DELE1: variants seen among roughly 807,000 people sequenced by gnomAD.
DELE1 encodes DAP3 binding cell death enhancer 1, also known as death ligand signal enhancer.
In DELE1, 54 loss-of-function variants were observed where a neutral mutation model predicts 59.3. That is an observed-to-expected ratio of 0.91 (90% CI 0.73 to 1.14). The LOEUF (loss-of-function observed/expected upper bound fraction) is 1.14. DELE1 is among the 50% of genes most tolerant of loss of function. DELE1 has a pLI of 0.00. For missense variants in DELE1, 636 were observed against 643.9 expected, an observed-to-expected ratio of 0.99 and a Z score of 0.13; for synonymous variants, 264 against 259.1, an observed-to-expected ratio of 1.02 and a Z score of -0.18.
intron 10 of DELE1, among the ~76,000 whole-genome samples, chr5:141,936,197 G>A (rs573731167): frequency 3.5e-4 from 54 of 152,274 alleles, no homozygotes; most frequent in African/African-American, 1.2e-3. Flanking sequence ...TAAGGTAGGT[G>A]CTATTAGCAT....
rs1368923036 is a variant in DELE1 at position 141,934,260 on chromosome 5, G to C, written c.918G>C (p.Leu306Phe). Residue 306 changes from leucine to phenylalanine, a missense_variant, in exon 9 of 12, where the codon TTG becomes TTC. Transcript: ENST00000432126. ...DISKAVLYYQ[L>F]AASQGHSLAQ... The stretch of plus-strand genomic sequence containing the variant: ...CCCAGGCGGTCCTTTATTATCAGTT[G>C]GCTGCCAGCCAGGGCCACAGCCTGG... The C allele has an allele frequency of 1.2e-6, 2 of 1,611,096 alleles. No individual in the cohort carries two copies. The highest frequency in any genetic ancestry group is 1.7e-6 in the Non-Finnish European group (2 of 1,178,058).
rs531910934 is a variant in DELE1 at position 141,940,740 on chromosome 5, G to A, written c.*1981G>A. 3.5e-5 allele frequency: 34 copies of A among 975,858 alleles called. No individual in the cohort carries two copies. The Admixed American group carries it at 3.7e-4, about 11-fold the overall frequency. 60.4% of individuals were successfully genotyped at this position (975,858 alleles called of 1,614,324 possible). ...CTTCCACAGATGGCACTCCTTGGGA[G>A]CAGGGTCCTTGTCTTTGTATTCCAG... On this transcript the variant is annotated 3_prime_UTR_variant, in exon 12 of 12. Transcript: ENST00000432126.
chr5:141,927,999 CAG>C, intron 3 of DELE1, 150 bp from the exon 4 acceptor site: 1 of 768,290 alleles, frequency 1.3e-6, no homozygotes, highest in South Asian at 1.7e-5. Context: ...CCAGTGTGGT[CAG>C]GGCTCCAGAG....
intron 4 of DELE1, among the ~76,000 whole-genome samples, chr5:141,929,164 C>T (rs60331549): frequency 0.081 from 12,328 of 152,160 alleles, 1,660 homozygotes; most frequent in African/African-American, 0.28. Context: ...ACAGGAGTTT[C>T]AAAATTCTTC....
In DELE1 at chr5:141,941,471, G is replaced by C; in HGVS notation, c.*2712G>C. The C allele has an allele frequency of 2.0e-6, 2 of 985,526 alleles. No individual in the cohort carries two copies. Among genetic ancestry groups the C allele is most frequent in the Non-Finnish European group, 2.4e-6 (2 of 829,974 alleles). 61.0% of individuals were successfully genotyped at this position (985,526 alleles called of 1,614,324 possible). On this transcript the variant is annotated 3_prime_UTR_variant, in exon 12 of 12. Coordinates refer to ENST00000432126, the MANE Select transcript of DELE1 (RefSeq NM_014773.5). ...TGCGGTCTTGATCCAGCCCCAGGGG[G>C]ATGGGCTTCACTGGCAGAGCTGGGT...
intron 8 of DELE1, 57 bp from the exon 9 acceptor site, chr5:141,934,183 G>A: frequency 6.7e-7 from 1 of 1,492,798 alleles, no homozygotes; most frequent in South Asian, 1.3e-5. Context: ...ATTTCACTGA[G>A]TGCAAAAGAT....
Position 141,934,594 on chromosome 5 carries a change from A to C in DELE1, c.1149+8A>C. ...CTTGCAGCCAACAATGGGGTATGCG[A>C]TCTCAGTGGACAAGCATGTTGGGGA... On this transcript the variant is annotated splice_region_variant and intron_variant, in intron 10 of 11. Coordinates refer to ENST00000432126, the MANE Select transcript of DELE1 (RefSeq NM_014773.5). 2 of 1,612,590 alleles carry C rather than the reference A, an allele frequency of 1.2e-6. No homozygotes were observed. Among genetic ancestry groups the C allele is most frequent in the Non-Finnish European group, 1.7e-6 (2 of 1,178,566 alleles).
chr5:141,939,655 A>C lies in DELE1; in HGVS notation c.*896A>C. 1.0e-6 allele frequency: 1 copy of C among 985,848 alleles called. No homozygotes were observed. Among genetic ancestry groups the C allele is most frequent in the Non-Finnish European group, 1.2e-6 (1 of 829,968 alleles). The allele number at this position is 985,848 out of a possible 1,614,324, so 61.1% of individuals were successfully genotyped here. On this transcript the variant is annotated 3_prime_UTR_variant, in exon 12 of 12. Coordinates refer to ENST00000432126, the MANE Select transcript of DELE1 (RefSeq NM_014773.5). ...GCCAGATACCCACCCACCTTCCCCC[A>C]AATCTTAAGCACCTGCGCCAGTACA...
At chr5:141,936,422 C>CGTTTTTTGTTTTGTTTTGTTTT (rs1561521623) in intron 10 of DELE1, among the ~76,000 whole-genome samples, 1 of 151,978 alleles carries the variant, frequency 6.6e-6, no homozygotes, top group African/African-American at 2.4e-5. Context: ...AAGAGCATAG[C>CGTTTTTTGTTTTGTTTTGTTTT]GTTTTTTGTT....
Position 141,941,130 on chromosome 5 carries a change from C to T in DELE1, c.*2371C>T. ...CCTGTGGAGCCCCACTCCCCAGCCT[C>T]CTCCCCTCTGTGGTCATTTTGGATT... On this transcript the variant is annotated 3_prime_UTR_variant, in exon 12 of 12. Transcript: ENST00000432126. The T allele has an allele frequency of 3.0e-6, 3 of 985,348 alleles. No homozygotes were observed. The highest frequency in any genetic ancestry group is 3.6e-6 in the Non-Finnish European group (3 of 829,986). The allele number at this position is 985,348 out of a possible 1,614,324, so 61.0% of individuals were successfully genotyped here.
rs1409250485 is a variant in DELE1 at position 141,930,288 on chromosome 5, C to A, written c.754+14C>A. The A allele has an allele frequency of 3.1e-6, 5 of 1,588,524 alleles. No homozygotes were observed. Among genetic ancestry groups the A allele is most frequent in the Admixed American group, 1.7e-5 (1 of 59,880 alleles). On this transcript the variant is annotated intron_variant, in intron 7 of 11. Coordinates refer to ENST00000432126, the MANE Select transcript of DELE1 (RefSeq NM_014773.5). The stretch of plus-strand genomic sequence containing the variant: ...TCAACTTCCTGGGTAACCAAATGGA[C>A]CCTGCCCCAAGGCAGGAGGGTGGGA...
chr5:141,933,537 TAAGA>T (rs1305063359), intron 8 of DELE1, 136 bp downstream of exon 8: 1 of 569,516 alleles, frequency 1.8e-6, no homozygotes, highest in Non-Finnish European at 2.6e-6. Context: ...GAAGGAAAAA[TAAGA>T]AAGAAGCTCC....
chr5:141,924,850 G>A (rs1751257670), intron 2 of DELE1, among the ~76,000 whole-genome samples, 155 bp downstream of exon 2: 1 of 151,874 alleles, frequency 6.6e-6, no homozygotes, highest in Non-Finnish European at 1.5e-5. Flanking sequence ...CCGCCTCCCA[G>A]GTTCAAGCAG....
In DELE1 at chr5:141,934,582, A is replaced by G. The variant is rs752787481; in HGVS notation, c.1145A>G (p.Asn382Ser). The change falls in exon 10 of 12, where the codon AAT (asparagine) becomes AGT (serine). Residue 382 changes from asparagine (N) to serine (S), a missense_variant. Transcript: ENST00000432126. ...AVKYLWLAAN[N>S]GDSQSRYHLG... ...AAATATCTTTGGCTTGCAGCCAACA[A>G]TGGGGTATGCGATCTCAGTGGACAA... is the stretch of plus-strand genomic sequence containing the variant. 35 of 1,613,940 alleles carry G rather than the reference A, an allele frequency of 2.2e-5. No homozygotes were observed. The highest frequency in any genetic ancestry group is 2.8e-5 in the Non-Finnish European group (33 of 1,179,878).
In DELE1 at chr5:141,937,198, G is replaced by T; in HGVS notation, c.1150G>T (p.Asp384Tyr). The T allele has an allele frequency of 6.2e-7, 1 of 1,614,098 alleles. No homozygotes were observed. The highest frequency in any genetic ancestry group is 2.2e-5 in the East Asian group (1 of 44,884). ...KYLWLAANNG[D>Y]SQSRYHLGIC... ...GTTTGTCTGTCCATTTTCTCCTTAG[G>T]ACTCACAGAGCAGGTACCACCTTGG... The change falls in exon 11 of 12, where the codon GAC becomes TAC. Residue 384 changes from aspartate to tyrosine, a missense_variant and splice_region_variant. Transcript: ENST00000432126.
chr5:141,936,343 G>C (rs1208635525), intron 10 of DELE1, among the ~76,000 whole-genome samples: 1 of 152,218 alleles, frequency 6.6e-6, no homozygotes, highest in Non-Finnish European at 1.5e-5. Flanking sequence ...GCCTCTACCT[G>C]ATCCTGTTCC....
Position 141,924,645 on chromosome 5 carries a change from GC to G in DELE1, c.98del (p.Pro33LeufsTer83), listed in dbSNP as rs1561505508. On this transcript the variant is annotated frameshift_variant, in exon 2 of 12. Coordinates refer to ENST00000432126, the MANE Select transcript of DELE1 (RefSeq NM_014773.5). LOFTEE classifies it high-confidence loss of function. ...VTPKSTSPDG[P>X]QTTSSTLLVP... is the part of the protein sequence containing the mutation. Reference sequence around the variant, plus strand: ...CTCCTAAGTCCACCAGCCCAGATGGGCCTCAGACTACCTCCTCCACTTTGCT... The same window carrying G: ...CTCCTAAGTCCACCAGCCCAGATGGGCTCAGACTACCTCCTCCACTTTGCT... 6.2e-7 allele frequency: 1 copy of G among 1,614,096 alleles called. No individual in the cohort carries two copies. Among genetic ancestry groups the G allele is most frequent in the African/African-American group, 1.3e-5 (1 of 75,030 alleles).
chr5:141,925,915 T>G (rs1214997639), intron 3 of DELE1, among the ~76,000 whole-genome samples: 2 of 152,310 alleles, frequency 1.3e-5, no homozygotes, highest in East Asian at 3.9e-4. Context: ...AGTCTTTCTC[T>G]GTCGCCCAGG....
chr5:141,937,537 G>A (rs1467018253), intron 11 of DELE1, among the ~76,000 whole-genome samples, 180 bp downstream of exon 11: 5 of 151,980 alleles, frequency 3.3e-5, no homozygotes, highest in Non-Finnish European at 5.9e-5. Context: ...TTGGGAGGCC[G>A]AGACTGGCAG....
Sources: gnomAD v4.1 joint callset for allele counts (sites outside exome capture counted in the v4.1 genomes callset) on GRCh38, gnomAD v4.1.1 for gene constraint, MANE v1.5 for transcripts, NCBI Gene and HGNC (gene_info 2026-07-23, HGNC 2026-07-21) for gene names.